CEP128: variants seen among roughly 807,000 people sequenced by gnomAD.
CEP128 encodes centrosomal protein 128.
A neutral mutation model predicts 156.7 loss-of-function variants in CEP128; 132 were observed. That is an observed-to-expected ratio of 0.84 (90% CI 0.73 to 0.97). CEP128 has a LOEUF of 0.97. Ranked by LOEUF, CEP128 falls within the 50% of genes least tolerant of loss-of-function variation. The pLI is 0.00. For missense variants in CEP128, 1,252 were observed against 1,281.9 expected (o/e 0.98, Z 0.36); for synonymous variants, 469 against 448.9 (o/e 1.04, Z -0.57).
intron 13 of CEP128, among the ~76,000 whole-genome samples, chr14:80,802,565 C>T (rs1194504566): frequency 6.6e-6 from 1 of 151,346 alleles, no homozygotes; most frequent in Non-Finnish European, 1.5e-5. Flanking sequence ...GGGGAGGGAA[C>T]TTAGAGTATG....
intron 9 of CEP128, among the ~76,000 whole-genome samples, chr14:80,858,215 A>T (rs1273977744): frequency 2.1e-5 from 3 of 145,820 alleles, no homozygotes; most frequent in Non-Finnish European, 3.0e-5. Flanking sequence ...TCAATGGAAC[A>T]GAACAGAGCC....
At chr14:80,930,411 T>C (rs1400964862) in intron 2 of CEP128, among the ~76,000 whole-genome samples, 1 of 152,140 alleles carries the variant, frequency 6.6e-6, no homozygotes, top group African/African-American at 2.4e-5. Context: ...ACTGTTTTGG[T>C]AAGCCCGCAA....
chr14:80,603,855 A>T (rs1892676343), intron 19 of CEP128, among the ~76,000 whole-genome samples: 1 of 152,186 alleles, frequency 6.6e-6, no homozygotes, highest in South Asian at 2.1e-4. Context: ...TGCTCCAAAA[A>T]GTGAAATTCT....
At chr14:80,661,135 A>G (rs1895384170) in intron 19 of CEP128, among the ~76,000 whole-genome samples, 1 of 152,188 alleles carries the variant, frequency 6.6e-6, no homozygotes, top group African/African-American at 2.4e-5. Context: ...ATGAAATAGA[A>G]ATATGGGATT....
At chr14:80,512,151 C>T (rs1888289266) in intron 23 of CEP128, among the ~76,000 whole-genome samples, 1 of 151,970 alleles carries the variant, frequency 6.6e-6, no homozygotes, top group South Asian at 2.1e-4. Context: ...GACAATCTGT[C>T]CAAAGCTGAA....
intron 12 of CEP128, among the ~76,000 whole-genome samples, chr14:80,833,616 G>C (rs1199759496): frequency 6.6e-6 from 1 of 151,998 alleles, no homozygotes; most frequent in Non-Finnish European, 1.5e-5. Context: ...TCTTGGGCAA[G>C]TAACTCAACC....
intron 21 of CEP128, among the ~76,000 whole-genome samples, chr14:80,532,464 C>T (rs1229673362): frequency 6.6e-6 from 1 of 152,124 alleles, no homozygotes; most frequent in Non-Finnish European, 1.5e-5. Context: ...CTGGCATATC[C>T]AATCCAGAGC....
At chr14:80,920,924 A>T (rs1290147767) in intron 2 of CEP128, among the ~76,000 whole-genome samples, 1 of 152,156 alleles carries the variant, frequency 6.6e-6, no homozygotes, top group Non-Finnish European at 1.5e-5. Context: ...ATTTCCAAAA[A>T]TTTCTCCTAA....
intron 19 of CEP128, among the ~76,000 whole-genome samples, chr14:80,603,483 T>G (rs1230829633): frequency 6.6e-6 from 1 of 152,208 alleles, no homozygotes; most frequent in Non-Finnish European, 1.5e-5. Flanking sequence ...AAGCTGAATT[T>G]TATTTTATGT....
chr14:80,581,462 G>A (rs1891590225), intron 19 of CEP128, among the ~76,000 whole-genome samples: 1 of 152,196 alleles, frequency 6.6e-6, no homozygotes, highest in Non-Finnish European at 1.5e-5. Flanking sequence ...ATGCTGGTGT[G>A]TTGTAACTGG....
chr14:80,847,638 T>G (rs1886675444), intron 9 of CEP128, among the ~76,000 whole-genome samples: 1 of 152,150 alleles, frequency 6.6e-6, no homozygotes, highest in South Asian at 2.1e-4. Context: ...TAAAATAATG[T>G]GAAAATACAG....
At chr14:80,899,060 ATTAAAG>A (rs1481712113) in intron 7 of CEP128, among the ~76,000 whole-genome samples, 1 of 152,248 alleles carries the variant, frequency 6.6e-6, no homozygotes, top group Non-Finnish European at 1.5e-5. Flanking sequence ...AGTTACTAGA[ATTAAAG>A]TTAAATCACG....
chr14:80,612,688 T>C (rs1425336534), intron 19 of CEP128, among the ~76,000 whole-genome samples: 5 of 152,178 alleles, frequency 3.3e-5, no homozygotes, highest in Admixed American at 2.0e-4. Context: ...GCAATACTAT[T>C]AGTGAAATTT....
chr14:80,478,114 C>T (rs1341497576), exon 15 of CEP128: 5 of 151,992 alleles, frequency 3.3e-5, no homozygotes, highest in South Asian at 2.1e-4. Flanking sequence ...ACTAGCAGAG[C>T]GTTCTTTCAG....
At chr14:80,768,282 TCA>T (rs1019877770) in intron 16 of CEP128, among the ~76,000 whole-genome samples, 1 of 152,186 alleles carries the variant, frequency 6.6e-6, no homozygotes, top group African/African-American at 2.4e-5. Context: ...CAAGACGATA[TCA>T]CAATAGTGAG....
At chr14:80,510,947 C>T (rs1206634887) in intron 23 of CEP128, among the ~76,000 whole-genome samples, 1 of 151,224 alleles carries the variant, frequency 6.6e-6, no homozygotes, top group Admixed American at 6.6e-5. Flanking sequence ...TGTTTGCATC[C>T]CTGGGCTATT....
intron 8 of CEP128, among the ~76,000 whole-genome samples, chr14:80,871,079 G>A (rs562907086): frequency 1.5e-4 from 23 of 151,938 alleles, no homozygotes; most frequent in African/African-American, 5.5e-4. Context: ...AGTCAGCAAT[G>A]TAAAATCTTG....
chr14:80,817,277 G>A (rs750798292), intron 13 of CEP128, among the ~76,000 whole-genome samples: 1 of 152,094 alleles, frequency 6.6e-6, no homozygotes, highest in South Asian at 2.1e-4. Context: ...AGTATTCAAA[G>A]TTAATACAAA....
chr14:80,732,559 G>A (rs1334547151), intron 19 of CEP128, among the ~76,000 whole-genome samples: 3 of 151,098 alleles, frequency 2.0e-5, no homozygotes, highest in Non-Finnish European at 4.4e-5. Flanking sequence ...GGTCAATTGT[G>A]GATGTGTTGT....
Sources: allele counts gnomAD v4.1 joint callset (sites outside exome capture counted in the v4.1 genomes callset), GRCh38; gene constraint gnomAD v4.1.1; transcripts MANE v1.5; gene names NCBI Gene and HGNC (gene_info 2026-07-23, HGNC 2026-07-21).